TECPR2: variants seen among roughly 807,000 people sequenced by gnomAD.
TECPR2 encodes the protein tectonin beta-propeller repeat containing 2, also known as tectonin beta-propeller repeat-containing protein 2.
In TECPR2, 65 loss-of-function variants were observed where a neutral mutation model predicts 138.1. The observed-to-expected ratio is 0.47, with a 90% CI of 0.39 to 0.58. The LOEUF (loss-of-function observed/expected upper bound fraction) is 0.58. TECPR2 is among the 20% of genes least tolerant of loss of function. TECPR2 has a pLI of 0.00. For missense variants in TECPR2, 1,553 were observed against 1,824.5 expected (o/e 0.85, Z 2.71); for synonymous variants, 746 against 749.8 (o/e 0.99, Z 0.08).
intron 2 of TECPR2, among the ~76,000 whole-genome samples, chr14:102,404,489 AAGAAG>A (rs959746058): frequency 1.3e-5 from 2 of 152,184 alleles, no homozygotes; most frequent in Non-Finnish European, 2.9e-5. Context: ...AAATAAGAAA[AAGAAG>A]AGAACAGCAT....
chr14:102,459,493 T>G (rs1439160237), intron 16 of TECPR2, among the ~76,000 whole-genome samples: 1 of 152,164 alleles, frequency 6.6e-6, no homozygotes. Context: ...TTATAAAAAC[T>G]TGTCGGCCAG....
chr14:102,493,008 C>T (rs1017977076), intron 17 of TECPR2, among the ~76,000 whole-genome samples: 9 of 152,198 alleles, frequency 5.9e-5, no homozygotes, highest in Admixed American at 2.6e-4. Flanking sequence ...TGCCCGCTCA[C>T]GAGCACTTCT....
intron 7 of TECPR2, among the ~76,000 whole-genome samples, chr14:102,428,646 C>G (rs774610565): frequency 3.9e-5 from 6 of 151,990 alleles, no homozygotes; most frequent in Non-Finnish European, 8.8e-5. Context: ...CCTGTGGTCT[C>G]AAGTACTCGG....
chr14:102,418,539 C>T (rs562534498), intron 5 of TECPR2, among the ~76,000 whole-genome samples: 5 of 152,178 alleles, frequency 3.3e-5, no homozygotes, highest in Non-Finnish European at 7.3e-5. Flanking sequence ...CCCTGCGCAC[C>T]GAGGATCTGA....
Position 102,432,076 on chromosome 14 carries a change from G to A in TECPR2, c.1365G>A (p.Glu455=). 1 of 1,610,518 alleles carries A rather than the reference G, an allele frequency of 6.2e-7. No homozygotes were observed. The highest frequency in any genetic ancestry group is 8.5e-7 in the Non-Finnish European group (1 of 1,178,420). Residue 455 remains glutamate, a synonymous_variant, in exon 8 of 20, where the codon GAG becomes GAA. Coordinates refer to ENST00000359520, the MANE Select transcript of TECPR2 (RefSeq NM_014844.5). The part of the protein sequence containing the change: ...NAISSEDFDQ[E]LVVKPIKVKR... ...TCAGCTCAGAGGACTTTGACCAGGA[G>A]CTTGTCGTGAAGCCTATCAAAGTGA...
intron 17 of TECPR2, 167 bp downstream of exon 17, chr14:102,465,456 A>G: frequency 7.1e-7 from 1 of 1,406,762 alleles, no homozygotes; most frequent in Admixed American, 3.1e-5. Flanking sequence ...CACAACTGGA[A>G]TTCGGGATTT....
chr14:102,387,543 T>A (rs1888042575), intron 2 of TECPR2, among the ~76,000 whole-genome samples: 1 of 151,994 alleles, frequency 6.6e-6, no homozygotes, highest in Non-Finnish European at 1.5e-5. Context: ...TTTTTTTTTT[T>A]TGAGACGGAG....
intron 5 of TECPR2, among the ~76,000 whole-genome samples, chr14:102,416,197 C>T (rs1435238561): frequency 3.3e-5 from 5 of 152,140 alleles, no homozygotes; most frequent in African/African-American, 1.2e-4. Flanking sequence ...TCTTGGCTCA[C>T]TGCAACATCT....
chr14:102,367,965 G>A (rs1015145243), intron 1 of TECPR2, among the ~76,000 whole-genome samples: 6 of 140,604 alleles, frequency 4.3e-5, no homozygotes, highest in African/African-American at 1.1e-4. Context: ...GAGTAATGGT[G>A]CTGAACATCT....
chr14:102,438,286 A>G (rs1344326501), intron 10 of TECPR2, 81 bp downstream of exon 10: 1 of 1,479,140 alleles, frequency 6.8e-7, no homozygotes, highest in Admixed American at 2.3e-5. Context: ...CAGACATCTT[A>G]GTACAGGGCT....
At chr14:102,475,488 G>A (rs1890739152) in intron 17 of TECPR2, among the ~76,000 whole-genome samples, 1 of 152,120 alleles carries the variant, frequency 6.6e-6, no homozygotes, top group Non-Finnish European at 1.5e-5. Flanking sequence ...CAGATCACAT[G>A]CACCCATAAG....
chr14:102,430,164 A>G (rs932931872), intron 7 of TECPR2, among the ~76,000 whole-genome samples: 3 of 151,990 alleles, frequency 2.0e-5, no homozygotes. Context: ...AGGGGGTTTC[A>G]CCATGCACCA....
At chr14:102,385,989 G>A (rs1462174335) in intron 2 of TECPR2, among the ~76,000 whole-genome samples, 1 of 151,686 alleles carries the variant, frequency 6.6e-6, no homozygotes, top group African/African-American at 2.4e-5. Flanking sequence ...ACCCATACAT[G>A]CATATGCCTG....
chr14:102,408,459 T>G, intron 3 of TECPR2, 29 bp from the exon 4 acceptor site: 3 of 1,579,006 alleles, frequency 1.9e-6, no homozygotes, highest in Non-Finnish European at 2.6e-6. Flanking sequence ...TTTTTTTTTC[T>G]TGTGTATATT....
intron 17 of TECPR2, among the ~76,000 whole-genome samples, chr14:102,487,212 C>A (rs1022616151): frequency 4.6e-5 from 7 of 152,228 alleles, no homozygotes; most frequent in African/African-American, 1.7e-4. Context: ...AGGATTATTT[C>A]CAGAGGCGTC....
intron 17 of TECPR2, among the ~76,000 whole-genome samples, chr14:102,476,225 A>C (rs1191686499): frequency 1.3e-5 from 2 of 150,892 alleles, no homozygotes; most frequent in African/African-American, 2.4e-5. Flanking sequence ...AAAAAAAAAA[A>C]AAAAAACAAT....
chr14:102,457,471 A>G (rs1486306628), intron 16 of TECPR2, among the ~76,000 whole-genome samples: 4 of 152,208 alleles, frequency 2.6e-5, no homozygotes, highest in African/African-American at 9.6e-5. Flanking sequence ...ATGACTGTGC[A>G]TGGCGGCTGT....
chr14:102,423,028 C>T (rs905061933), intron 5 of TECPR2, among the ~76,000 whole-genome samples: 2 of 152,128 alleles, frequency 1.3e-5, no homozygotes, highest in East Asian at 1.9e-4. Context: ...TTACAGGTGC[C>T]TACAGTGTTA....
At chr14:102,386,126 A>G (rs1379955024) in intron 2 of TECPR2, among the ~76,000 whole-genome samples, 3 of 152,100 alleles carry the variant, frequency 2.0e-5, no homozygotes, top group African/African-American at 4.8e-5. Context: ...CGCCCATTAT[A>G]TATAGGATAT....
Sources: gnomAD v4.1 joint callset for allele counts (sites outside exome capture counted in the v4.1 genomes callset) on GRCh38, gnomAD v4.1.1 for gene constraint, MANE v1.5 for transcripts, NCBI Gene and HGNC (gene_info 2026-07-23, HGNC 2026-07-21) for gene names.